GTF3C3: variants seen among roughly 807,000 people sequenced by gnomAD.
The protein encoded by GTF3C3 is general transcription factor 3C polypeptide 3.
A neutral mutation model predicts 105.2 loss-of-function variants in GTF3C3; 75 were observed. The ratio of observed to expected loss-of-function variants is 0.71; its 90% confidence interval spans 0.59 to 0.86. The LOEUF is 0.86. Among genes scored for constraint, GTF3C3 ranks in the 40% least tolerant of loss-of-function variants. GTF3C3 has a pLI of 0.00. For synonymous variants in GTF3C3, 335 were observed against 370.4 expected (o/e 0.90, Z 1.10); for missense variants, 856 against 1,076.5 (o/e 0.80, Z 2.87).
intron 16 of GTF3C3, among the ~76,000 whole-genome samples, chr2:196,767,177 A>G (rs891446675): frequency 2.0e-5 from 3 of 152,206 alleles, no homozygotes; most frequent in African/African-American, 7.2e-5. Flanking sequence ...ACCTTTTATA[A>G]GTTACTTCTC....
chr2:196,765,372 G>A (rs994923076), intron 17 of GTF3C3, among the ~76,000 whole-genome samples: 5 of 151,962 alleles, frequency 3.3e-5, no homozygotes, highest in African/African-American at 1.2e-4. Flanking sequence ...TTAACAAGAT[G>A]TAACAATATT....
intron 2 of GTF3C3, among the ~76,000 whole-genome samples, chr2:196,794,758 G>T (rs1699611510): frequency 7.2e-6 from 1 of 139,300 alleles, no homozygotes; most frequent in Admixed American, 7.2e-5. Flanking sequence ...TTTTTGAGAG[G>T]GAGTCTCACT....
In GTF3C3 at chr2:196,793,213, C is replaced by T. The variant is rs1000954532; in HGVS notation, c.215-61G>A. 2.5e-6 allele frequency: 3 copies of T among 1,204,446 alleles called. No homozygotes were observed. In the African/African-American group the frequency reaches 4.6e-5, roughly 19 times the overall value. 74.6% of individuals were successfully genotyped at this position (1,204,446 alleles called of 1,614,324 possible). On this transcript the variant is annotated intron_variant, in intron 2 of 17. Coordinates refer to ENST00000263956, the MANE Select transcript of GTF3C3 (RefSeq NM_012086.5). ...AAGCTGCAGAATTCTCAGTGAAAAACAAGTATTTTCTAAGTATAAATTTTT... is the reference window on the plus strand; with the variant it reads ...AAGCTGCAGAATTCTCAGTGAAAAATAAGTATTTTCTAAGTATAAATTTTT...
intron 1 of GTF3C3, 110 bp downstream of exon 1, chr2:196,799,400 G>T (rs1699707013): frequency 2.6e-6 from 2 of 782,442 alleles, no homozygotes; most frequent in Non-Finnish European, 4.4e-6. Context: ...AGAAGCTGCT[G>T]AAAGTTCCCA....
At chr2:196,765,718 A>G (rs1699050759) in intron 17 of GTF3C3, among the ~76,000 whole-genome samples, 1 of 151,856 alleles carries the variant, frequency 6.6e-6, no homozygotes, top group African/African-American at 2.4e-5. Flanking sequence ...ACAGTAATAG[A>G]AAAACAATTG....
In GTF3C3 at chr2:196,789,982, A is replaced by G. The variant is rs1699518746; in HGVS notation, c.624T>C (p.Ile208=). 1.2e-6 allele frequency: 2 copies of G among 1,613,390 alleles called. No individual in the cohort carries two copies. The highest frequency in any genetic ancestry group is 2.7e-5 in the African/African-American group (2 of 74,918). ...DMEKSLQFEL[I]AAHLNPSDTE... is the part of the protein sequence containing the mutation. ...TGTCACTGGGATTTAAATGCGCAGC[A>G]ATCAACTCAAACTGCAATGATTTTT... The change falls in exon 5 of 18, where the codon ATT becomes ATC. Residue 208 remains isoleucine (I), a synonymous_variant. Transcript: ENST00000263956.
chr2:196,779,420 C>T (rs1004328456), intron 9 of GTF3C3, among the ~76,000 whole-genome samples: 2 of 152,056 alleles, frequency 1.3e-5, no homozygotes, highest in African/African-American at 4.8e-5. Flanking sequence ...ACCTACATAT[C>T]AGTTATAAGA....
chr2:196,783,438 C>T (rs1184106609), intron 8 of GTF3C3, among the ~76,000 whole-genome samples: 2 of 152,178 alleles, frequency 1.3e-5, no homozygotes, highest in African/African-American at 4.8e-5. Flanking sequence ...GAAATTATGA[C>T]AGTAAAATAA....
chr2:196,784,229 T>C (rs1041024983), intron 8 of GTF3C3, among the ~76,000 whole-genome samples: 4 of 152,000 alleles, frequency 2.6e-5, no homozygotes, highest in Admixed American at 6.6e-5. Flanking sequence ...AGTGTAGGGG[T>C]TGAAGGTACT....
In GTF3C3 at chr2:196,797,829, G is replaced by A; in HGVS notation, c.182C>T (p.Ser61Phe). ...GACATCTTTGTCTTGGGATTTGGTA[G>A]AGTTAATTCCTGATGATGATGGAAC... ...SEVPSSSGIN[S>F]TKSQDKDVNE... Residue 61 changes from serine (S) to phenylalanine (F), a missense_variant, in exon 2 of 18, where the codon TCT becomes TTT. Around this residue, in one of 3 missense-constraint regions of GTF3C3, gnomAD observed 117 missense variants for 114.0 expected, o/e 1.03. Transcript: ENST00000263956. The A allele has an allele frequency of 6.2e-7, 1 of 1,607,438 alleles. No individual in the cohort carries two copies. The highest frequency in any genetic ancestry group is 8.5e-7 in the Non-Finnish European group (1 of 1,173,988).
rs1208390976 is a variant in GTF3C3, at chr2:196,763,576, AATTTCT to A, written c.*981_*986del. On this transcript the variant is annotated 3_prime_UTR_variant, in exon 18 of 18. Coordinates refer to ENST00000263956, the MANE Select transcript of GTF3C3 (RefSeq NM_012086.5). ...TGTGTACAGTAGAAACAGTGGTAAGAATTTCTAATAAGTCCCAATTTTATTTCTTTG... is the reference window on the plus strand; with the variant it reads ...TGTGTACAGTAGAAACAGTGGTAAGAAATAAGTCCCAATTTTATTTCTTTG... 1.3e-5 allele frequency: 2 copies of A among 152,218 alleles called. No individual in the cohort carries two copies. The highest frequency in any genetic ancestry group is 4.8e-5 in the African/African-American group (2 of 41,448). 9.4% of individuals were successfully genotyped at this position (152,218 alleles called of 1,614,324 possible). A position where few individuals can be genotyped will look rare whatever the true frequency, so the allele number is the denominator to read the frequency against.
chr2:196,777,340 C>G (rs1300477543), intron 10 of GTF3C3, among the ~76,000 whole-genome samples: 1 of 152,212 alleles, frequency 6.6e-6, no homozygotes, highest in Non-Finnish European at 1.5e-5. Flanking sequence ...ACTACCTCCT[C>G]TCATCCCACT....
chr2:196,767,930 T>TA (rs1699096042), intron 16 of GTF3C3, among the ~76,000 whole-genome samples: 1 of 152,218 alleles, frequency 6.6e-6, no homozygotes, highest in African/African-American at 2.4e-5. Context: ...CAAATAATAT[T>TA]TAGTGATTTA....
intron 1 of GTF3C3, chr2:196,799,302 A>T (rs549311850): frequency 3.7e-6 from 2 of 539,886 alleles, no homozygotes; most frequent in Admixed American, 6.3e-5. Flanking sequence ...GTTACCACCA[A>T]GACGAAAGCT....
intron 3 of GTF3C3, chr2:196,791,688 C>G: frequency 2.6e-6 from 1 of 388,318 alleles, no homozygotes; most frequent in South Asian, 3.4e-5. Flanking sequence ...GTAATCCCAG[C>G]ACTTTGGGAG....
At chr2:196,779,862 G>A (rs1699316874) in intron 9 of GTF3C3, among the ~76,000 whole-genome samples, 1 of 151,904 alleles carries the variant, frequency 6.6e-6, no homozygotes, top group South Asian at 2.1e-4. Context: ...TGTATTTTTT[G>A]TAGGCGTAGG....
chr2:196,790,169 C>T, intron 4 of GTF3C3, 99 bp from the exon 5 acceptor site: 1 of 658,414 alleles, frequency 1.5e-6, no homozygotes, highest in Non-Finnish European at 2.4e-6. Context: ...TTTTAAATAC[C>T]TAAACTCTTC....
rs1370079111 is a variant in GTF3C3, at chr2:196,764,295, T to A, written c.*268A>T. ...ATAGTGTATTCGACTCCAAGCTAGC[T>A]CAAAGGCTTACACGTCCATTTCAAC... On this transcript the variant is annotated 3_prime_UTR_variant, in exon 18 of 18. Transcript: ENST00000263956. The A allele has an allele frequency of 3.7e-6, 1 of 273,252 alleles. No individual in the cohort carries two copies. The highest frequency in any genetic ancestry group is 6.9e-6 in the Non-Finnish European group (1 of 144,640). 16.9% of individuals were successfully genotyped at this position (273,252 alleles called of 1,614,324 possible).
At chr2:196,768,087 A>G (rs1699101209) in intron 16 of GTF3C3, among the ~76,000 whole-genome samples, 1 of 152,138 alleles carries the variant, frequency 6.6e-6, no homozygotes, top group Non-Finnish European at 1.5e-5. Flanking sequence ...GTGTGATCTC[A>G]GCTCATTGCA....
Sources: gnomAD v4.1 joint callset for allele counts (sites outside exome capture counted in the v4.1 genomes callset) on GRCh38, gnomAD v4.1.1 for gene constraint, gnomAD v4.1.1 regional missense constraint, MANE v1.5 for transcripts, NCBI Gene and HGNC (gene_info 2026-07-23, HGNC 2026-07-21) for gene names.